The following COG4 variants were observed in gnomAD, a reference collection of about 807,000 sequenced individuals.
COG4 encodes component of oligomeric golgi complex 4.
In COG4, 65 loss-of-function variants were observed where a neutral mutation model predicts 95.1. The ratio of observed to expected loss-of-function variants is 0.68; its 90% CI spans 0.56 to 0.84. COG4 has a LOEUF of 0.84. Ranked by LOEUF, COG4 falls within the 40% of genes least tolerant of loss-of-function variation. The probability of loss-of-function intolerance (pLI) is 0.00; values close to 1 mark genes in which losing one functional copy is unlikely to be tolerated. For synonymous variants in COG4, 421 were observed against 374.8 expected, an observed-to-expected ratio of 1.12 and a Z score of -1.42; for missense variants, 1,045 against 989.1, an observed-to-expected ratio of 1.06 and a Z score of -0.76.
In COG4 at chr16:70,496,392, G is replaced by T; in HGVS notation, c.1521C>A (p.Ala507=). The T allele has an allele frequency of 6.2e-7, 1 of 1,614,164 alleles. No individual in the cohort carries two copies. The highest frequency in any genetic ancestry group is 8.5e-7 in the Non-Finnish European group (1 of 1,180,030). ...CGCGCTGGATGTCCTGGAAGGTGGT[G>T]GCAGGAAAGCCCATCCGCAGCTTAT... ...LCNKLRMGFP[A]TTFQDIQRGV... The change falls in exon 12 of 19, where the codon GCC becomes GCA. Residue 507 remains alanine (A), a synonymous_variant. Transcript: ENST00000323786.
chr16:70,506,193 C>T (rs373993614), intron 8 of COG4, among the ~76,000 whole-genome samples: 4 of 151,374 alleles, frequency 2.6e-5, no homozygotes, highest in African/African-American at 7.3e-5. Flanking sequence ...GTCAGGAGAT[C>T]GAGTCCGTCC....
At chr16:70,484,770 G>A (rs561111390) in intron 13 of COG4, among the ~76,000 whole-genome samples, 57 of 152,210 alleles carry the variant, frequency 3.7e-4, no homozygotes, top group African/African-American at 1.0e-3. Flanking sequence ...GTAGTGGTGC[G>A]CCCCTGCATC....
At chr16:70,509,041 C>T in intron 7 of COG4, 190 bp downstream of exon 7, 5 of 701,448 alleles carry the variant, frequency 7.1e-6, no homozygotes, top group Non-Finnish European at 1.3e-5. Context: ...CTGAGGCCAT[C>T]ATCATCTCGA....
In COG4 at chr16:70,501,058, C is replaced by T. The variant is rs1180899718; in HGVS notation, c.1095G>A (p.Leu365=). The change falls in exon 9 of 19, where the codon CTG becomes CTA. Residue 365 remains leucine (L), a synonymous_variant. Coordinates refer to ENST00000323786, the MANE Select transcript of COG4 (RefSeq NM_015386.3). ...AGTATAGCTCACTGCGGGCATTCAT[C>T]AGGGTGACCTCAGTCAGGATGGGGT... ...ELDPILTEVT[L]MNARSELYLR... The T allele has an allele frequency of 6.2e-7, 1 of 1,613,920 alleles. No individual in the cohort carries two copies. Among genetic ancestry groups the T allele is most frequent in the East Asian group, 2.2e-5 (1 of 44,876 alleles).
chr16:70,487,128 T>TA (rs1172621694), intron 13 of COG4, among the ~76,000 whole-genome samples: 1 of 151,518 alleles, frequency 6.6e-6, no homozygotes, highest in Non-Finnish European at 1.5e-5. Flanking sequence ...TCGTTTCTAC[T>TA]AAAAATACAA....
chr16:70,498,091 T>C, intron 9 of COG4, 36 bp from the exon 10 acceptor site: 1 of 1,400,114 alleles, frequency 7.1e-7, no homozygotes. Context: ...CTCATTTTTT[T>C]TCCCCAAGGG....
intron 12 of COG4, among the ~76,000 whole-genome samples, chr16:70,495,222 C>G (rs1416966419): frequency 2.1e-5 from 3 of 144,006 alleles, no homozygotes; most frequent in Non-Finnish European, 4.5e-5. Context: ...AAAACCCAGT[C>G]TTTACTAAAA....
At chr16:70,492,655 C>T (rs2049268204) in intron 12 of COG4, among the ~76,000 whole-genome samples, 1 of 146,532 alleles carries the variant, frequency 6.8e-6, no homozygotes, top group Admixed American at 6.9e-5. Context: ...CAGCAAAACT[C>T]CGTCTCAAAA....
intron 13 of COG4, among the ~76,000 whole-genome samples, chr16:70,487,463 G>C (rs913581476): frequency 4.6e-5 from 7 of 152,058 alleles, no homozygotes; most frequent in African/African-American, 1.7e-4. Flanking sequence ...TGGGCGTGGT[G>C]GCAGGTGCTT....
chr16:70,515,859 G>C (rs1277165705), intron 3 of COG4: 5 of 352,766 alleles, frequency 1.4e-5, no homozygotes, highest in Non-Finnish European at 2.8e-5. Context: ...TTGTAGGACA[G>C]GGTCTTACTG....
Position 70,497,925 on chromosome 16 carries a change from C to T in COG4, c.1314+12G>A, listed in dbSNP as rs1310432300. On this transcript the variant is annotated intron_variant, in intron 10 of 18. Coordinates refer to ENST00000323786, the MANE Select transcript of COG4 (RefSeq NM_015386.3). ...GAAGCCCCATTTCCAAGAGATGCGT[C>T]CTATGTCCTACCTTATTGACAGTCT... The T allele has an allele frequency of 5.5e-6, 8 of 1,467,126 alleles. No homozygotes were observed. The Admixed American group carries it at 1.2e-4, about 21-fold the overall frequency. The allele number at this position is 1,467,126 out of a possible 1,614,324, so 90.9% of individuals were successfully genotyped here.
At chr16:70,517,820 T>A in intron 2 of COG4, 80 bp from the exon 3 acceptor site, 1 of 845,710 alleles carries the variant, frequency 1.2e-6, no homozygotes, top group Non-Finnish European at 2.0e-6. Context: ...ATGGACACTA[T>A]GTCTTCTACT....
At chr16:70,508,563 A>G (rs781759790) in intron 7 of COG4, 99 bp from the exon 8 acceptor site, 1 of 1,063,942 alleles carries the variant, frequency 9.4e-7, no homozygotes, top group East Asian at 2.4e-5. Flanking sequence ...GAACATTTAG[A>G]TTTAGTTTGT....
intron 8 of COG4, among the ~76,000 whole-genome samples, chr16:70,504,286 G>A (rs1038747922): frequency 1.3e-5 from 2 of 152,036 alleles, no homozygotes; most frequent in Non-Finnish European, 2.9e-5. Flanking sequence ...CTTACAATGC[G>A]TAGAACAGTC....
At position 70,482,787 on chromosome 16, in the gene COG4, T is replaced by C; in HGVS notation, c.1862A>G (p.Lys621Arg). The change falls in exon 15 of 19, where the codon AAG becomes AGG. Residue 621 changes from lysine to arginine, a missense_variant. Lys to Arg is a conservative substitution (Grantham distance 26, BLOSUM62 2). Coordinates refer to ENST00000323786, the MANE Select transcript of COG4 (RefSeq NM_015386.3). The stretch of plus-strand genomic sequence containing the variant: ...GTTGATCCAAGGCTGCACCTGTGGC[T>C]TGATGGCTGTGCTGTTGAGCTCCGT... ...GLTELNSTAI[K>R]PQVQPWINSF... is the part of the protein sequence containing the mutation. 6.2e-7 allele frequency: 1 copy of C among 1,613,892 alleles called. No homozygotes were observed. Among genetic ancestry groups the C allele is most frequent in the Non-Finnish European group, 8.5e-7 (1 of 1,179,910 alleles).
chr16:70,485,792 C>A (rs907738839), intron 13 of COG4, among the ~76,000 whole-genome samples: 1 of 151,906 alleles, frequency 6.6e-6, no homozygotes, highest in Non-Finnish European at 1.5e-5. Flanking sequence ...ACCATGTTGG[C>A]CAGGCTGGTC....
chr16:70,504,074 C>T (rs1310107700), intron 8 of COG4, among the ~76,000 whole-genome samples: 6 of 152,138 alleles, frequency 3.9e-5, no homozygotes, highest in South Asian at 2.1e-4. Flanking sequence ...CATTTCTCAC[C>T]GCCATTTTCT....
chr16:70,499,175 A>T lies in COG4; in HGVS notation c.1196-1120T>A, dbSNP rs531575214. Among the ~76,000 whole-genome samples, 187 of 149,160 alleles carry T rather than the reference A, an allele frequency of 1.3e-3. 1 individual carries two copies. Among genetic ancestry groups the T allele is most frequent in the African/African-American group, 3.7e-3 (151 of 40,918 alleles). ...GATGAACATAACTTAGGAACTGAAT[A>T]TTTTTTTTTTTATTAAATTTTTTTT... On this transcript the variant is annotated intron_variant, in intron 9 of 18. Transcript: ENST00000323786.
In COG4 at chr16:70,517,690, A is replaced by T. The variant is rs1280382536; in HGVS notation, c.305T>A (p.Ile102Asn). 6.2e-7 allele frequency: 1 copy of T among 1,611,560 alleles called. No individual in the cohort carries two copies. The highest frequency in any genetic ancestry group is 8.5e-7 in the Non-Finnish European group (1 of 1,178,970). ...EGDAKQLAGM[I>N]TFTCNLAENV... is the part of the protein sequence containing the mutation. ...CTCAGCCAGGTTGCAGGTAAAGGTGATCATTCCAGCCAGCTGCTTTGCATC... is the reference window on the plus strand; with the variant it reads ...CTCAGCCAGGTTGCAGGTAAAGGTGTTCATTCCAGCCAGCTGCTTTGCATC... The change falls in exon 3 of 19, where the codon ATC becomes AAC. Residue 102 changes from isoleucine (I) to asparagine (N), a missense_variant. Physicochemically the swap from Ile to Asn is moderately radical, Grantham distance 149. Coordinates refer to ENST00000323786, the MANE Select transcript of COG4 (RefSeq NM_015386.3).
Sources: allele counts gnomAD v4.1 joint callset (sites outside exome capture counted in the v4.1 genomes callset), GRCh38; gene constraint gnomAD v4.1.1; transcripts MANE v1.5; gene names NCBI Gene and HGNC (gene_info 2026-07-23, HGNC 2026-07-21).